The following ASB18 variants were observed in gnomAD, a reference collection of about 807,000 sequenced individuals.
ASB18 encodes ankyrin repeat and SOCS box protein 18.
A neutral mutation model predicts 33.4 loss-of-function variants in ASB18; 33 were observed. The ratio of observed to expected loss-of-function variants is 0.99; its 90% confidence interval spans 0.75 to 1.32. The LOEUF (loss-of-function observed/expected upper bound fraction) is 1.32, where lower values mean the gene tolerates loss of function less well. Among genes scored for constraint, ASB18 ranks in the 40% most tolerant of loss-of-function variants. The pLI is 0.00. For synonymous variants in ASB18, 295 were observed against 307.6 expected (o/e 0.96, Z 0.43); for missense variants, 694 against 655.5 (o/e 1.06, Z -0.64).
rs2060501312 is a variant in ASB18 at position 236,219,432 on chromosome 2, G to T, written c.597-4566C>A. On this transcript the variant is annotated intron_variant, in intron 3 of 5. Transcript: ENST00000409749. The surrounding 1 kb of genome is among the most constrained non-coding windows in gnomAD (Gnocchi z 6.4). ...ATACGCTTGAAATTTCCATCAATCTGTTTAGGTATAAGCAGCATTTTGGAA... is the reference window on the plus strand; with the variant it reads ...ATACGCTTGAAATTTCCATCAATCTTTTTAGGTATAAGCAGCATTTTGGAA... 6.6e-6 allele frequency among the ~76,000 whole-genome samples: 1 copy of T among 152,156 alleles called. No homozygotes were observed. The highest frequency in any genetic ancestry group is 2.4e-5 in the African/African-American group (1 of 41,432).
At position 236,214,864 on chromosome 2, in the gene ASB18, C is replaced by T; in HGVS notation, c.599G>A (p.Cys200Tyr). Residue 200 changes from cysteine (C) to tyrosine (Y), a missense_variant and splice_region_variant, in exon 4 of 6, where the codon TGC (cysteine) becomes TAC (tyrosine). Cys to Tyr is a radical substitution (Grantham distance 194). Transcript: ENST00000409749. The surrounding 1 kb of genome is among the most constrained non-coding windows in gnomAD (Gnocchi z 6.5). ...CCCGTGCTCCAGCAGCGCCTGCGCG[C>T]ACCTGTGGGAAGCCAGGGCCTGTCA... ...HLCRTAASLG[C>Y]AQALLEHGAS... 8.3e-7 allele frequency: 1 copy of T among 1,210,564 alleles called. No homozygotes were observed. 75.0% of individuals were successfully genotyped at this position (1,210,564 alleles called of 1,614,324 possible).
In ASB18 at chr2:236,219,536, C is replaced by T. The variant is rs770386136; in HGVS notation, c.597-4670G>A. On this transcript the variant is annotated intron_variant, in intron 3 of 5. Transcript: ENST00000409749. The surrounding 1 kb of genome is among the most constrained non-coding windows in gnomAD (Gnocchi z 6.4). ...CTGGGAGCTACTCAGTGATAACAAT[C>T]GTGGGGACCTCTCAGACCTGACCCC... Among the ~76,000 whole-genome samples the T allele has an allele frequency of 4.6e-5, 7 of 152,094 alleles. No homozygotes were observed. Among genetic ancestry groups the T allele is most frequent in the Non-Finnish European group, 1.0e-4 (7 of 68,026 alleles).
In ASB18 at chr2:236,221,565, C is replaced by G. The variant is rs2060513236; in HGVS notation, c.597-6699G>C. Among the ~76,000 whole-genome samples, 1 of 152,156 alleles carries G rather than the reference C, an allele frequency of 6.6e-6. No homozygotes were observed. The highest frequency in any genetic ancestry group is 2.4e-5 in the African/African-American group (1 of 41,424). ...TGCTTGGTTCTCATTCTCTCTCTTG[C>G]TGCTGCCTTTCACCTTCCACCTCCC... On this transcript the variant is annotated intron_variant, in intron 3 of 5. Coordinates refer to ENST00000409749, the MANE Select transcript of ASB18 (RefSeq NM_212556.4). The surrounding 1 kb of genome is among the most constrained non-coding windows in gnomAD (Gnocchi z 5.6).
At chr2:236,202,777 C>CAAAAAAAA (rs34973734) in intron 4 of ASB18, among the ~76,000 whole-genome samples, 27 of 68,634 alleles carry the variant, frequency 3.9e-4, no homozygotes, top group Non-Finnish European at 6.4e-4. Flanking sequence ...GACTCCGTCT[C>CAAAAAAAA]AAAAAAAAAA....
rs369820246 is a variant in ASB18 at position 236,194,929 on chromosome 2, G to A, written c.1344C>T (p.Pro448=). ...KRCFDLIPLL[P]LPKPLQNYLL... Reference sequence around the variant, plus strand: ...GGTAATTCTGCAGGGGCTTTGGCAAGGGTAACAGGGGGATGAGGTCAAAGC... The same window carrying A: ...GGTAATTCTGCAGGGGCTTTGGCAAAGGTAACAGGGGGATGAGGTCAAAGC... Residue 448 remains proline (P), a synonymous_variant, in exon 6 of 6, where the codon CCC becomes CCT. Coordinates refer to ENST00000409749, the MANE Select transcript of ASB18 (RefSeq NM_212556.4). This position sits in a 1 kb window ranked among gnomAD's most constrained non-coding sequence, Gnocchi z 4.5. The A allele has an allele frequency of 1.2e-5, 19 of 1,613,852 alleles. No individual in the cohort carries two copies. In the South Asian group the frequency reaches 1.8e-4, roughly 15 times the overall value.
In ASB18 at chr2:236,248,251, T is replaced by G. The variant is rs1401524099; in HGVS notation, c.206-6849A>C. 2.0e-5 allele frequency: 3 copies of G among 152,210 alleles called. No homozygotes were observed. The highest frequency in any genetic ancestry group is 7.2e-5 in the African/African-American group (3 of 41,432). The allele number at this position is 152,210 out of a possible 1,614,324, so 9.4% of individuals were successfully genotyped here. ...GATGCCTGGAGCCCACCTGGTAGTT[T>G]CAGGCATAATGGGTTGGAGGTGCAG... On this transcript the variant is annotated intron_variant, in intron 1 of 5. Coordinates refer to ENST00000409749, the MANE Select transcript of ASB18 (RefSeq NM_212556.4). The surrounding 1 kb of genome is among the most constrained non-coding windows in gnomAD (Gnocchi z 4.9).
intron 4 of ASB18, chr2:236,210,624 C>G (rs2060455228): frequency 6.6e-6 from 1 of 152,244 alleles, no homozygotes; most frequent in Admixed American, 6.5e-5. Flanking sequence ...AAACAGAAGG[C>G]CTTTGGGAAA....
chr2:236,194,588 C>A lies in ASB18; in HGVS notation c.*284G>T, dbSNP rs558681797. ...AGTGAGGACTCACTGTACCTTTTGGCTTAACTGTTGTTGAAAGGTACTTTC... is the reference window on the plus strand; with the variant it reads ...AGTGAGGACTCACTGTACCTTTTGGATTAACTGTTGTTGAAAGGTACTTTC... On this transcript the variant is annotated 3_prime_UTR_variant, in exon 6 of 6. Coordinates refer to ENST00000409749, the MANE Select transcript of ASB18 (RefSeq NM_212556.4). The surrounding 1 kb of genome is among the most constrained non-coding windows in gnomAD (Gnocchi z 4.5). Among the ~76,000 whole-genome samples, 1 of 152,336 alleles carries A rather than the reference C, an allele frequency of 6.6e-6. No individual in the cohort carries two copies. The highest frequency in any genetic ancestry group is 6.5e-5 in the Admixed American group (1 of 15,296).
Position 236,259,377 on chromosome 2 carries a change from A to C in ASB18, c.205+4764T>G. 2.6e-6 allele frequency: 1 copy of C among 388,832 alleles called. No homozygotes were observed. The highest frequency in any genetic ancestry group is 5.4e-6 in the Non-Finnish European group (1 of 186,902). 24.1% of individuals were successfully genotyped at this position (388,832 alleles called of 1,614,324 possible). A position where few individuals can be genotyped will look rare whatever the true frequency, so the allele number is the denominator to read the frequency against. ...TAGGCTCTGGATATAATCGAGTGTT[A>C]GGCGAGGTTCTGGCCCTAGAAGAGG... On this transcript the variant is annotated intron_variant, in intron 1 of 5. Transcript: ENST00000409749. This position sits in a 1 kb window ranked among gnomAD's most constrained non-coding sequence, Gnocchi z 4.4.
At chr2:236,236,219 T>C (rs1057441769) in intron 3 of ASB18, among the ~76,000 whole-genome samples, 2 of 152,192 alleles carry the variant, frequency 1.3e-5, no homozygotes, top group African/African-American at 4.8e-5. Context: ...AGGAATGAAC[T>C]ACGGACACAC....
chr2:236,197,337 A>G (rs752541325), intron 4 of ASB18, among the ~76,000 whole-genome samples: 6 of 152,194 alleles, frequency 3.9e-5, no homozygotes, highest in Non-Finnish European at 8.8e-5. Flanking sequence ...CATTCCAGTT[A>G]GGGCCGATAT....
Position 236,214,403 on chromosome 2 carries a change from T to C in ASB18, c.1060A>G (p.Asn354Asp), listed in dbSNP as rs761560763. Residue 354 changes from asparagine (N) to aspartate (D), a missense_variant, in exon 4 of 6, where the codon AAC becomes GAC. Asn to Asp is a conservative substitution (Grantham distance 23). Coordinates refer to ENST00000409749, the MANE Select transcript of ASB18 (RefSeq NM_212556.4). This position sits in a 1 kb window ranked among gnomAD's most constrained non-coding sequence, Gnocchi z 6.5. ...SPQRTVQALL[N>D]HGSPTVWPDA... ...GGCCACACGGTGGGAGAGCCGTGGT[T>C]GAGCAGCGCCTGCACCGTGCGCTGC... is the stretch of plus-strand genomic sequence containing the variant. 2 of 1,574,564 alleles carry C rather than the reference T, an allele frequency of 1.3e-6. No individual in the cohort carries two copies. The highest frequency in any genetic ancestry group is 1.8e-5 in the Admixed American group (1 of 55,696).
At chr2:236,246,189 C>T (rs2060643766) in intron 1 of ASB18, among the ~76,000 whole-genome samples, 1 of 151,818 alleles carries the variant, frequency 6.6e-6, no homozygotes. Flanking sequence ...CCCATCTCTA[C>T]TAAAAATATA....
chr2:236,194,476 G>T lies in ASB18; in HGVS notation c.*396C>A, dbSNP rs530862080. Reference sequence around the variant, plus strand: ...AATATGCTGTAGGAACATCATTCTTGTTTATATCAATTAACCTTGGGAAAA... The same window carrying T: ...AATATGCTGTAGGAACATCATTCTTTTTTATATCAATTAACCTTGGGAAAA... On this transcript the variant is annotated 3_prime_UTR_variant, in exon 6 of 6. Coordinates refer to ENST00000409749, the MANE Select transcript of ASB18 (RefSeq NM_212556.4). The surrounding 1 kb of genome is among the most constrained non-coding windows in gnomAD (Gnocchi z 4.5). 8.6e-4 allele frequency among the ~76,000 whole-genome samples: 131 copies of T among 152,250 alleles called. No individual in the cohort carries two copies. The highest frequency in any genetic ancestry group is 3.2e-3 in the African/African-American group (131 of 41,554).
chr2:236,237,348 CCGGGGCGCGGGGCGGGGGCCGGGG>C lies in ASB18; in HGVS notation c.596+317_596+340del, dbSNP rs1559335013. ...CTAATTAAACCCGCGGGGGCCGGGG[CCGGGGCGCGGGGCGGGGGCCGGGG>C]CCGGGGCGCGGGGCGGGGGCCGGGG... On this transcript the variant is annotated intron_variant, in intron 3 of 5. Coordinates refer to ENST00000409749, the MANE Select transcript of ASB18 (RefSeq NM_212556.4). The surrounding 1 kb of genome is among the most constrained non-coding windows in gnomAD (Gnocchi z 6.2). Among the ~76,000 whole-genome samples the C allele has an allele frequency of 2.4e-4, 20 of 83,316 alleles. No homozygotes were observed. Among genetic ancestry groups the C allele is most frequent in the Non-Finnish European group, 3.0e-4 (11 of 37,146 alleles). 54.7% of individuals were successfully genotyped at this position (83,316 alleles called of 152,430 possible). A position where few individuals can be genotyped will look rare whatever the true frequency, so the allele number is the denominator to read the frequency against.
chr2:236,240,503 C>A (rs1023571040), intron 2 of ASB18, among the ~76,000 whole-genome samples: 1 of 152,220 alleles, frequency 6.6e-6, no homozygotes, highest in Non-Finnish European at 1.5e-5. Context: ...CTGTAGATTC[C>A]AACGCATGTG....
rs1205955115 is a variant in ASB18 at position 236,263,177 on chromosome 2, G to T, written c.205+964C>A. 6.6e-6 allele frequency among the ~76,000 whole-genome samples: 1 copy of T among 152,212 alleles called. No homozygotes were observed. The highest frequency in any genetic ancestry group is 1.5e-5 in the Non-Finnish European group (1 of 68,038). The stretch of plus-strand genomic sequence containing the variant: ...CAATACAACTAAAAGTAAATCACAG[G>T]TCAGGAAAACACTTTCAGGAAACCT... On this transcript the variant is annotated intron_variant, in intron 1 of 5. Transcript: ENST00000409749. This position sits in a 1 kb window ranked among gnomAD's most constrained non-coding sequence, Gnocchi z 4.0.
At chr2:236,227,471 C>T (rs1379186083) in intron 3 of ASB18, among the ~76,000 whole-genome samples, 1 of 152,152 alleles carries the variant, frequency 6.6e-6, no homozygotes, top group East Asian at 1.9e-4. Flanking sequence ...ATTCTCATAA[C>T]CATCCTATGT....
rs1405417628 is a variant in ASB18 at position 236,195,410 on chromosome 2, T to C, written c.1216-353A>G. Among the ~76,000 whole-genome samples, 1 of 152,162 alleles carries C rather than the reference T, an allele frequency of 6.6e-6. No individual in the cohort carries two copies. Among genetic ancestry groups the C allele is most frequent in the Non-Finnish European group, 1.5e-5 (1 of 68,030 alleles). On this transcript the variant is annotated intron_variant, in intron 5 of 5. Transcript: ENST00000409749. The surrounding 1 kb of genome is among the most constrained non-coding windows in gnomAD (Gnocchi z 5.5). ...CAAGTCATGACCAGCTCTTCCCTTC[T>C]GCCAGGGAGGGGCTCAGGAGCGAGT...
Sources: gnomAD v4.1 joint callset for allele counts (sites outside exome capture counted in the v4.1 genomes callset) on GRCh38, gnomAD v4.1.1 for gene constraint, Gnocchi (gnomAD v3.1) non-coding constraint, MANE v1.5 for transcripts, NCBI Gene and HGNC (gene_info 2026-07-23, HGNC 2026-07-21) for gene names.